CREB5: variants seen among roughly 807,000 people sequenced by gnomAD.
The protein encoded by CREB5 is cAMP responsive element binding protein 5, also known as cyclic AMP-responsive element-binding protein 5.
Under a neutral mutation model 57.1 loss-of-function variants are expected in CREB5, and 19 were observed. The observed-to-expected ratio is 0.33, with a 90% CI of 0.23 to 0.49. The LOEUF (loss-of-function observed/expected upper bound fraction) is 0.49. Ranked by LOEUF, CREB5 falls within the 20% of genes least tolerant of loss-of-function variation. The probability of loss-of-function intolerance (pLI) is 0.99; values close to 1 mark genes in which losing one functional copy is unlikely to be tolerated. For synonymous variants in CREB5, 238 were observed against 238.3 expected (o/e 1.00, Z 0.01); for missense variants, 579 against 671.6 (o/e 0.86, Z 1.52).
At chr7:28,751,813 CT>C (rs1486324975) in intron 7 of CREB5, among the ~76,000 whole-genome samples, 2 of 151,978 alleles carry the variant, frequency 1.3e-5, no homozygotes, top group Non-Finnish European at 1.5e-5. Context: ...GTCTTTTTTT[CT>C]GTTCCAGCAC....
intron 1 of CREB5, among the ~76,000 whole-genome samples, chr7:28,339,145 G>A (rs574364039): frequency 6.6e-6 from 1 of 152,068 alleles, no homozygotes; most frequent in Non-Finnish European, 1.5e-5. Flanking sequence ...TTCATTTGGT[G>A]AGGTCATGTT....
chr7:28,530,564 T>A (rs961998671), intron 4 of CREB5, among the ~76,000 whole-genome samples: 15 of 152,152 alleles, frequency 9.9e-5, no homozygotes, highest in African/African-American at 3.6e-4. Flanking sequence ...TTTTTCCTTC[T>A]TGCTGCAAAG....
At chr7:28,715,293 C>A (rs557620956) in intron 5 of CREB5, among the ~76,000 whole-genome samples, 1 of 152,268 alleles carries the variant, frequency 6.6e-6, no homozygotes, top group South Asian at 2.1e-4. Flanking sequence ...CGTTCATGAC[C>A]CATGTGACCT....
intron 1 of CREB5, among the ~76,000 whole-genome samples, chr7:28,426,743 C>T (rs1052610183): frequency 6.6e-6 from 1 of 151,844 alleles, no homozygotes; most frequent in Non-Finnish European, 1.5e-5. Context: ...TTTAAGAAAA[C>T]GTATCTTCTA....
At chr7:28,656,850 G>C (rs1048957615) in intron 5 of CREB5, among the ~76,000 whole-genome samples, 1 of 142,716 alleles carries the variant, frequency 7.0e-6, no homozygotes. Flanking sequence ...CATCTAAGAA[G>C]ATTTTTTTTT....
At chr7:28,312,541 G>A (rs1221813387) in intron 1 of CREB5, among the ~76,000 whole-genome samples, 1 of 152,166 alleles carries the variant, frequency 6.6e-6, no homozygotes, top group Non-Finnish European at 1.5e-5. Context: ...GCGAAGGAAC[G>A]TGGGTGCTGA....
At chr7:28,771,516 T>C (rs1384251383) in intron 7 of CREB5, among the ~76,000 whole-genome samples, 1 of 152,112 alleles carries the variant, frequency 6.6e-6, no homozygotes, top group Non-Finnish European at 1.5e-5. Flanking sequence ...GATGCCTTCC[T>C]CAGGGAGTCG....
chr7:28,425,673 A>G (rs896417735), intron 1 of CREB5, among the ~76,000 whole-genome samples: 2 of 152,216 alleles, frequency 1.3e-5, no homozygotes, highest in African/African-American at 4.8e-5. Context: ...GTTAGAATAC[A>G]TGCCAAATAG....
chr7:28,633,181 G>A (rs1370212422), intron 5 of CREB5, among the ~76,000 whole-genome samples: 1 of 152,186 alleles, frequency 6.6e-6, no homozygotes, highest in African/African-American at 2.4e-5. Flanking sequence ...AGGTCACACA[G>A]TAATAAATGC....
rs770716724 is a variant in CREB5, at chr7:28,821,242, C to G, written c.*1963C>G. On this transcript the variant is annotated 3_prime_UTR_variant, in exon 11 of 11. Coordinates refer to ENST00000357727, the MANE Select transcript of CREB5 (RefSeq NM_182898.4). ...AAAAGGGAAGGATGTGTTTTTTTCT[C>G]TCACTATAGTATAAGAATCTATTTT... The G allele has an allele frequency of 3.3e-5, 5 of 151,510 alleles. No individual in the cohort carries two copies. Among genetic ancestry groups the G allele is most frequent in the African/African-American group, 4.8e-5 (2 of 41,250 alleles). The allele number at this position is 151,510 out of a possible 1,614,324, so 9.4% of individuals were successfully genotyped here.
chr7:28,397,092 G>A (rs972586997), intron 1 of CREB5, among the ~76,000 whole-genome samples: 14 of 152,220 alleles, frequency 9.2e-5, no homozygotes, highest in South Asian at 4.1e-4. Flanking sequence ...TGATTTCTCA[G>A]GAAGAATTTA....
At chr7:28,345,092 T>C (rs1291659413) in intron 1 of CREB5, among the ~76,000 whole-genome samples, 2 of 152,146 alleles carry the variant, frequency 1.3e-5, no homozygotes, top group Non-Finnish European at 2.9e-5. Context: ...CTTTCAACAA[T>C]GGACAGATCA....
At chr7:28,463,585 T>C (rs1790439412) in intron 1 of CREB5, among the ~76,000 whole-genome samples, 1 of 152,216 alleles carries the variant, frequency 6.6e-6, no homozygotes, top group African/African-American at 2.4e-5. Context: ...AGGTACACTT[T>C]AGCTTTTTAA....
intron 4 of CREB5, among the ~76,000 whole-genome samples, chr7:28,569,304 A>G (rs1795606483): frequency 6.6e-6 from 1 of 152,090 alleles, no homozygotes; most frequent in Non-Finnish European, 1.5e-5. Flanking sequence ...TGCTGACATT[A>G]CAGGCATAAG....
chr7:28,574,893 G>A lies in CREB5; in HGVS notation c.464+4356G>A, dbSNP rs554033203. ...TGGAACATATATTTCCACATGATGC[G>A]TAACTTAGGCATTTGGTTATAAACC... On this transcript the variant is annotated intron_variant, in intron 5 of 10. Transcript: ENST00000357727. 1.2e-3 allele frequency among the ~76,000 whole-genome samples: 189 copies of A among 152,234 alleles called. 1 individual carries two copies. Among genetic ancestry groups the A allele is most frequent in the South Asian group, 3.1e-3 (15 of 4,818 alleles).
chr7:28,557,134 G>A (rs1438496654), intron 4 of CREB5, among the ~76,000 whole-genome samples: 2 of 145,664 alleles, frequency 1.4e-5, no homozygotes, highest in Non-Finnish European at 3.1e-5. Flanking sequence ...CCAGTTTGAA[G>A]GTACTAGCTG....
chr7:28,570,182 G>A (rs1366650538), intron 4 of CREB5, among the ~76,000 whole-genome samples, 183 bp from the exon 5 acceptor site: 2 of 152,190 alleles, frequency 1.3e-5, no homozygotes. Context: ...AGGGTGAGTA[G>A]TTATTTTTCA....
chr7:28,415,825 C>G (rs1427899741), intron 1 of CREB5, among the ~76,000 whole-genome samples: 4 of 152,026 alleles, frequency 2.6e-5, no homozygotes, highest in African/African-American at 9.7e-5. Flanking sequence ...CCTTTTTTGT[C>G]AAATAGAGAA....
At chr7:28,520,426 C>T (rs908650288) in intron 4 of CREB5, among the ~76,000 whole-genome samples, 5 of 152,138 alleles carry the variant, frequency 3.3e-5, no homozygotes, top group Admixed American at 6.5e-5. Flanking sequence ...CTTTCCTATC[C>T]GTGGAAAAGA....
Sources: allele counts gnomAD v4.1 joint callset (sites outside exome capture counted in the v4.1 genomes callset), GRCh38; gene constraint gnomAD v4.1.1; transcripts MANE v1.5; gene names NCBI Gene and HGNC (gene_info 2026-07-23, HGNC 2026-07-21).